The following EDN3 variants were observed in gnomAD, a reference collection of about 807,000 sequenced individuals.
The protein encoded by EDN3 is endothelin-3.
EDN3 carries 9 observed loss-of-function variants against 21.4 expected under a neutral mutation model. That is an observed-to-expected ratio of 0.42 (90% confidence interval 0.25 to 0.73). The LOEUF (loss-of-function observed/expected upper bound fraction) is 0.73. Ranked by LOEUF, EDN3 falls within the 30% of genes least tolerant of loss-of-function variation. The probability of loss-of-function intolerance (pLI) is 0.26; values close to 1 mark genes in which losing one functional copy is unlikely to be tolerated. For missense variants in EDN3, 327 were observed against 309.4 expected, an observed-to-expected ratio of 1.06 and a Z score of -0.43; for synonymous variants, 133 against 126.2, an observed-to-expected ratio of 1.05 and a Z score of -0.36.
Position 59,324,957 on chromosome 20 carries a change from T to A in EDN3, c.*498T>A, listed in dbSNP as rs1990756430. 6.0e-6 allele frequency: 1 copy of A among 166,308 alleles called. No homozygotes were observed. The highest frequency in any genetic ancestry group is 1.6e-4 in the South Asian group (1 of 6,152). 10.3% of individuals were successfully genotyped at this position (166,308 alleles called of 1,614,324 possible). ...GTCGGCTTTAGACACAGATCATAGC[T>A]CTACAGGAGTTTATGAATTTGAAGC... On this transcript the variant is annotated 3_prime_UTR_variant, in exon 5 of 5. Coordinates refer to ENST00000337938, the MANE Select transcript of EDN3 (RefSeq NM_207034.3).
chr20:59,323,735 G>A (rs923695038), intron 4 of EDN3: 8 of 401,512 alleles, frequency 2.0e-5, no homozygotes, highest in African/African-American at 1.0e-4. Flanking sequence ...TAGGGGAACC[G>A]GTGAGTGCAA....
intron 2 of EDN3, among the ~76,000 whole-genome samples, chr20:59,315,386 G>T (rs1198558251): frequency 1.3e-5 from 2 of 152,216 alleles, no homozygotes; most frequent in African/African-American, 4.8e-5. Flanking sequence ...TGTCCCCTGG[G>T]CCAAAAGGCA....
intron 2 of EDN3, among the ~76,000 whole-genome samples, chr20:59,317,335 C>A (rs951473907): frequency 6.6e-6 from 1 of 152,180 alleles, no homozygotes; most frequent in African/African-American, 2.4e-5. Flanking sequence ...TCAAACATCT[C>A]AAATGCCAAG....
chr20:59,309,082 C>T (rs1468595542), intron 2 of EDN3, among the ~76,000 whole-genome samples: 1 of 152,214 alleles, frequency 6.6e-6, no homozygotes, highest in African/African-American at 2.4e-5. Flanking sequence ...GCCCTTCCAG[C>T]CCCTCCTTTC....
Position 59,313,086 on chromosome 20 carries a change from C to T in EDN3, c.366-7931C>T, listed in dbSNP as rs140870619. Among the ~76,000 whole-genome samples, 1,005 of 152,240 alleles carry T rather than the reference C, an allele frequency of 6.6e-3. 14 individuals are homozygous for T. Among genetic ancestry groups the T allele is most frequent in the African/African-American group, 0.023 (967 of 41,532 alleles). On this transcript the variant is annotated intron_variant, in intron 2 of 4. Transcript: ENST00000337938. ...TCTAGAAGGTTTTCTAGGAAAACCC[C>T]TCAAAGACCAGCTGATGAAGGACAA...
rs1483101406 is a variant in EDN3, at chr20:59,322,170, AGT to A, written c.543-200_543-199del. Among the ~76,000 whole-genome samples the A allele has an allele frequency of 2.0e-5, 3 of 152,152 alleles. No individual in the cohort carries two copies. The East Asian group carries it at 5.8e-4, about 29-fold the overall frequency. On this transcript the variant is annotated intron_variant, in intron 3 of 4. Transcript: ENST00000337938. The surrounding 1 kb of genome is among the most constrained non-coding windows in gnomAD (Gnocchi z 4.1). ...TGGGCTTTTAAACATCCGATGAATAAGTGAGTGGTGAGTATATTCTGTACTTT... is the reference window on the plus strand; with the variant it reads ...TGGGCTTTTAAACATCCGATGAATAAGAGTGGTGAGTATATTCTGTACTTT...
intron 3 of EDN3, among the ~76,000 whole-genome samples, chr20:59,321,611 G>GC (rs1990554347): frequency 6.6e-6 from 1 of 152,178 alleles, no homozygotes; most frequent in Non-Finnish European, 1.5e-5. Context: ...TATTGGGAGG[G>GC]GGGGGAACCC....
chr20:59,302,088 C>G (rs1000882264), intron 2 of EDN3, among the ~76,000 whole-genome samples: 8 of 152,142 alleles, frequency 5.3e-5, no homozygotes, highest in African/African-American at 1.9e-4. Flanking sequence ...TCCCCAGGGG[C>G]CAAGGGGGCT....
At chr20:59,321,610 G>A (rs557664656) in intron 3 of EDN3, among the ~76,000 whole-genome samples, 11 of 152,218 alleles carry the variant, frequency 7.2e-5, no homozygotes, top group African/African-American at 2.6e-4. Flanking sequence ...TTATTGGGAG[G>A]GGGGGGAACC....
intron 2 of EDN3, among the ~76,000 whole-genome samples, chr20:59,306,109 G>C (rs959391191): frequency 1.3e-5 from 2 of 152,150 alleles, no homozygotes; most frequent in East Asian, 1.9e-4. Context: ...CATGAGCTGA[G>C]GGATCCTGCC....
At chr20:59,310,846 A>G (rs1039920638) in intron 2 of EDN3, among the ~76,000 whole-genome samples, 1 of 152,046 alleles carries the variant, frequency 6.6e-6, no homozygotes, top group Non-Finnish European at 1.5e-5. Context: ...CTTTGCCGAG[A>G]GTCAGAAGCA....
intron 2 of EDN3, among the ~76,000 whole-genome samples, chr20:59,315,835 AT>A (rs1398421604): frequency 1.3e-5 from 2 of 152,184 alleles, no homozygotes; most frequent in African/African-American, 4.8e-5. Context: ...TGAGGTTGGT[AT>A]TAGCACAACT....
At chr20:59,312,223 A>G (rs1300713571) in intron 2 of EDN3, among the ~76,000 whole-genome samples, 1 of 152,146 alleles carries the variant, frequency 6.6e-6, no homozygotes, top group Non-Finnish European at 1.5e-5. Flanking sequence ...GGAATTCAGA[A>G]GGGTCACTGG....
intron 2 of EDN3, among the ~76,000 whole-genome samples, chr20:59,310,476 C>G (rs1989725626): frequency 6.6e-6 from 1 of 152,166 alleles, no homozygotes. Context: ...GGCTCACCCA[C>G]CAAACCTCCC....
At chr20:59,320,862 A>G (rs932468308) in intron 2 of EDN3, among the ~76,000 whole-genome samples, 155 bp from the exon 3 acceptor site, 3 of 152,108 alleles carry the variant, frequency 2.0e-5, no homozygotes, top group Admixed American at 2.0e-4. Context: ...TTCACTCCAG[A>G]ACCTTCCTAA....
At chr20:59,306,982 T>C (rs1319996680) in intron 2 of EDN3, among the ~76,000 whole-genome samples, 10 of 152,084 alleles carry the variant, frequency 6.6e-5, no homozygotes, top group Non-Finnish European at 2.9e-5. Context: ...CCGTCTGTAC[T>C]AAAAATACAA....
intron 2 of EDN3, among the ~76,000 whole-genome samples, chr20:59,303,259 C>T (rs1467625693): frequency 6.6e-6 from 1 of 152,200 alleles, no homozygotes; most frequent in East Asian, 1.9e-4. Flanking sequence ...TGGGAGGTGC[C>T]TCCCTGTTTC....
chr20:59,307,420 C>T (rs1023846660), intron 2 of EDN3, among the ~76,000 whole-genome samples: 2 of 152,168 alleles, frequency 1.3e-5, no homozygotes, highest in African/African-American at 4.8e-5. Context: ...GTCAGTTGGC[C>T]AAGGTTGCAG....
chr20:59,321,612 G>T (rs557929604), intron 3 of EDN3, among the ~76,000 whole-genome samples: 29 of 152,312 alleles, frequency 1.9e-4, no homozygotes, highest in African/African-American at 6.3e-4. Flanking sequence ...ATTGGGAGGG[G>T]GGGGAACCCA....
Sources: gnomAD v4.1 joint callset for allele counts (sites outside exome capture counted in the v4.1 genomes callset) on GRCh38, gnomAD v4.1.1 for gene constraint, Gnocchi (gnomAD v3.1) non-coding constraint, MANE v1.5 for transcripts, NCBI Gene and HGNC (gene_info 2026-07-23, HGNC 2026-07-21) for gene names.